Variants in COL6A6 observed in about 807,000 individuals in gnomAD.
COL6A6 encodes the protein collagen type VI alpha 6 chain.
Under a neutral mutation model 208.6 loss-of-function variants are expected in COL6A6, and 183 were observed. That is an observed-to-expected ratio of 0.88 (90% CI 0.78 to 0.99). The LOEUF (loss-of-function observed/expected upper bound fraction) is 0.99, where lower values mean the gene tolerates loss of function less well. COL6A6 is among the 50% of genes least tolerant of loss of function. The pLI, the probability that COL6A6 is intolerant of heterozygous loss-of-function variation, is 0.00. For missense variants in COL6A6, 2,816 were observed against 2,815.2 expected (o/e 1.00, Z -0.01); for synonymous variants, 973 against 1,011.8 (o/e 0.96, Z 0.73).
At position 130,586,576 on chromosome 3, in the gene COL6A6, T is replaced by C. The variant is rs748453461; in HGVS notation, c.4041T>C (p.Tyr1347=). The change falls in exon 11 of 37, where the codon TAT becomes TAC. Residue 1347 remains tyrosine, a synonymous_variant. Transcript: ENST00000358511. Reference sequence around the variant, plus strand: ...CAAGTGACTTGGCTGATCTTCCCTATATTGAATTTGGGAAAGGATTTGAGT... The same window carrying C: ...CAAGTGACTTGGCTGATCTTCCCTACATTGAATTTGGGAAAGGATTTGAGT... ...ADSSDLADLP[Y]IEFGKGFEYR... is the part of the protein sequence containing the mutation. The C allele has an allele frequency of 2.5e-6, 4 of 1,613,806 alleles. No homozygotes were observed. The highest frequency in any genetic ancestry group is 3.4e-6 in the Non-Finnish European group (4 of 1,179,724).
At chr3:130,589,862 G>T (rs954476979) in intron 12 of COL6A6, 9 of 287,496 alleles carry the variant, frequency 3.1e-5, no homozygotes, top group Non-Finnish European at 1.4e-5. Flanking sequence ...GTTTACATGT[G>T]TTTTATTTTT....
chr3:130,552,260 G>A (rs772703625), intron 1 of COL6A6, among the ~76,000 whole-genome samples: 2 of 152,136 alleles, frequency 1.3e-5, no homozygotes, highest in East Asian at 1.9e-4. Flanking sequence ...CTATTATTGC[G>A]TGGCTATCTA....
chr3:130,614,770 C>T (rs1163531648), intron 23 of COL6A6, among the ~76,000 whole-genome samples: 1 of 152,080 alleles, frequency 6.6e-6, no homozygotes, highest in Non-Finnish European at 1.5e-5. Flanking sequence ...TTATCTATTA[C>T]TTCTGGATCT....
intron 1 of COL6A6, among the ~76,000 whole-genome samples, chr3:130,558,370 C>T (rs746060336): frequency 3.9e-5 from 6 of 152,288 alleles, no homozygotes; most frequent in African/African-American, 7.2e-5. Context: ...ACCTCAAGAA[C>T]GCTTCACCGG....
At chr3:130,634,246 A>AAAT (rs1559769656) in intron 26 of COL6A6, among the ~76,000 whole-genome samples, 64 of 49,338 alleles carry the variant, frequency 1.3e-3, no homozygotes, top group East Asian at 4.7e-3. Context: ...AATAAATAAA[A>AAAT]AAAAAAAAAA....
At chr3:130,672,869 C>T (rs1464731450) in intron 36 of COL6A6, among the ~76,000 whole-genome samples, 3 of 151,230 alleles carry the variant, frequency 2.0e-5, no homozygotes, top group Non-Finnish European at 3.0e-5. Context: ...ATTAGCTGGG[C>T]GTGGTGGCAC....
chr3:130,604,948 A>G (rs561974300), intron 20 of COL6A6, among the ~76,000 whole-genome samples: 2 of 152,330 alleles, frequency 1.3e-5, no homozygotes, highest in South Asian at 4.1e-4. Context: ...CTGACCATGT[A>G]CTTTTCCAGC....
At chr3:130,601,785 A>T (rs2064028300) in intron 20 of COL6A6, among the ~76,000 whole-genome samples, 1 of 152,254 alleles carries the variant, frequency 6.6e-6, no homozygotes, top group African/African-American at 2.4e-5. Flanking sequence ...CAACAAAAGA[A>T]ATTAAAAATG....
intron 26 of COL6A6, 141 bp from the exon 27 acceptor site, chr3:130,634,449 C>T (rs991265399): frequency 1.4e-6 from 1 of 710,000 alleles, no homozygotes; most frequent in Non-Finnish European, 2.5e-6. Context: ...ACTGCTATTT[C>T]ACTTCCAGAT....
intron 1 of COL6A6, among the ~76,000 whole-genome samples, chr3:130,539,902 ATT>A (rs1361957386): frequency 6.6e-6 from 1 of 152,198 alleles, no homozygotes. Flanking sequence ...AATTCTAAAA[ATT>A]TTGAGTTTTT....
intron 28 of COL6A6, among the ~76,000 whole-genome samples, chr3:130,639,843 G>A (rs1220411612): frequency 6.6e-6 from 1 of 152,086 alleles, no homozygotes; most frequent in Non-Finnish European, 1.5e-5. Flanking sequence ...TCTTTGTCTA[G>A]TGAAGTTCTC....
At chr3:130,561,634 CTTTTTTTTTTTTTT>C (rs398052265) in intron 2 of COL6A6, among the ~76,000 whole-genome samples, 2 of 75,950 alleles carry the variant, frequency 2.6e-5, no homozygotes, top group African/African-American at 1.2e-4. Flanking sequence ...GTTGAATCTA[CTTTTTTTTTTTTTT>C]TTTTTTTTTT....
rs748534224 is a variant in COL6A6 at position 130,568,531 on chromosome 3, T to A, written c.2328T>A (p.Phe776Leu). Residue 776 changes from phenylalanine to leucine, a missense_variant, in exon 6 of 37, where the codon TTT (phenylalanine) becomes TTA (leucine). Physicochemically the swap from Phe to Leu is conservative, Grantham distance 22 (BLOSUM62 0). Coordinates refer to ENST00000358511, the MANE Select transcript of COL6A6 (RefSeq NM_001102608.3). ...EEISGRPEMV[F>L]YVENFDILQR... ...TCAGTGGGAGGCCCGAGATGGTTTT[T>A]TATGTTGAGAATTTTGACATTCTGC... The A allele has an allele frequency of 1.2e-6, 2 of 1,612,256 alleles. No individual in the cohort carries two copies. Among genetic ancestry groups the A allele is most frequent in the Admixed American group, 3.3e-5 (2 of 59,998 alleles).
intron 1 of COL6A6, among the ~76,000 whole-genome samples, chr3:130,551,631 G>GT (rs1361426497): frequency 0.11 from 13,761 of 123,162 alleles, 2,159 homozygotes; most frequent in African/African-American, 0.35. Flanking sequence ...GATCTTTTGG[G>GT]TTTTTTTTTT....
intron 1 of COL6A6, among the ~76,000 whole-genome samples, chr3:130,548,739 T>C (rs964670870): frequency 2.0e-5 from 3 of 152,218 alleles, no homozygotes; most frequent in Non-Finnish European, 2.9e-5. Flanking sequence ...TTCTCAGACT[T>C]GTACACTCTA....
intron 1 of COL6A6, among the ~76,000 whole-genome samples, chr3:130,542,533 T>C (rs2107757038): frequency 6.6e-6 from 1 of 152,338 alleles, no homozygotes; most frequent in South Asian, 2.1e-4. Flanking sequence ...GTATCCATTA[T>C]ATACAGTTGA....
intron 28 of COL6A6, 21 bp from the exon 29 acceptor site, chr3:130,641,631 T>TCA: frequency 7.0e-7 from 1 of 1,431,418 alleles, no homozygotes. Flanking sequence ...AATACAATTT[T>TCA]AAAATAAATT....
At chr3:130,647,517 A>AC (rs952307520) in intron 32 of COL6A6, among the ~76,000 whole-genome samples, 4 of 152,238 alleles carry the variant, frequency 2.6e-5, no homozygotes, top group African/African-American at 9.6e-5. Flanking sequence ...ATTTAGACTT[A>AC]GAGACTAATA....
At chr3:130,529,453 G>A (rs146293498) in intron 1 of COL6A6, among the ~76,000 whole-genome samples, 185 of 152,230 alleles carry the variant, frequency 1.2e-3, no homozygotes, top group African/African-American at 4.1e-3. Context: ...CACAGAAAAT[G>A]TATTGTGCAG....
Sources: gnomAD v4.1 joint callset for allele counts (sites outside exome capture counted in the v4.1 genomes callset) on GRCh38, gnomAD v4.1.1 for gene constraint, MANE v1.5 for transcripts, NCBI Gene and HGNC (gene_info 2026-07-23, HGNC 2026-07-21) for gene names.